SAMD5: variants seen among roughly 807,000 people sequenced by gnomAD.
SAMD5 encodes sterile alpha motif domain-containing protein 5.
A neutral mutation model predicts 11.3 loss-of-function variants in SAMD5; 13 were observed. The observed-to-expected ratio is 1.15, with a 90% CI of 0.75 to 1.83. The LOEUF is 1.83. Ranked by LOEUF, SAMD5 falls within the 40% of genes most tolerant of loss-of-function variation. SAMD5 has a pLI of 0.00. For missense variants in SAMD5, 255 were observed against 239.1 expected (o/e 1.07, Z -0.44); for synonymous variants, 129 against 111.3 (o/e 1.16, Z -1.00).
chr6:147,686,313 A>G (rs1009604914), intron 1 of SAMD5, among the ~76,000 whole-genome samples: 6 of 152,214 alleles, frequency 3.9e-5, no homozygotes, highest in Non-Finnish European at 8.8e-5. Context: ...ATTTATAGCT[A>G]GTGGTTTTTA....
chr6:147,937,596 G>T, the SAMD5 span, among the ~76,000 whole-genome samples: 1 of 152,140 alleles, frequency 6.6e-6, no homozygotes, highest in African/African-American at 2.4e-5. Context: ...TAATGAGGCA[G>T]GACTCGCTAG....
chr6:147,830,561 A>G, the SAMD5 span, among the ~76,000 whole-genome samples: 4 of 151,894 alleles, frequency 2.6e-5, no homozygotes, highest in East Asian at 7.7e-4. Flanking sequence ...CGGCCCCAGT[A>G]AGCTCTTTCA....
the SAMD5 span, among the ~76,000 whole-genome samples, chr6:147,785,665 A>C: frequency 6.6e-6 from 1 of 152,344 alleles, no homozygotes; most frequent in South Asian, 2.1e-4. Flanking sequence ...ACATAAAATT[A>C]AATATATAAA....
the SAMD5 span, among the ~76,000 whole-genome samples, chr6:147,761,302 G>A: frequency 1.3e-5 from 2 of 151,914 alleles, no homozygotes; most frequent in East Asian, 1.9e-4. Flanking sequence ...TTTCAATGTC[G>A]TGAACTTGCT....
the SAMD5 span, among the ~76,000 whole-genome samples, chr6:147,842,937 G>T: frequency 6.6e-6 from 1 of 152,152 alleles, no homozygotes. Context: ...TTGACTCATT[G>T]CAACCTCTGC....
chr6:147,658,881 TA>T (rs1790607461), intron 1 of SAMD5, among the ~76,000 whole-genome samples: 1 of 152,226 alleles, frequency 6.6e-6, no homozygotes, highest in African/African-American at 2.4e-5. Context: ...ATGGATCAGC[TA>T]ATTTGATCTG....
the SAMD5 span, among the ~76,000 whole-genome samples, chr6:147,941,569 T>C: frequency 2.0e-5 from 3 of 152,202 alleles, no homozygotes; most frequent in Non-Finnish European, 2.9e-5. Flanking sequence ...AGGGGTACCG[T>C]ATCTGTTTAC....
chr6:147,581,832 C>A (rs1310646880), intron 1 of SAMD5, among the ~76,000 whole-genome samples: 1 of 152,072 alleles, frequency 6.6e-6, no homozygotes. Context: ...AATAGCTATA[C>A]CTGGTGGGGC....
the SAMD5 span, among the ~76,000 whole-genome samples, chr6:147,935,540 G>A: frequency 6.6e-5 from 10 of 152,136 alleles, no homozygotes; most frequent in African/African-American, 1.9e-4. Context: ...AACATCATAC[G>A]AATTGGCCTC....
Position 147,568,584 on chromosome 6 carries a change from T to C in SAMD5, c.*4128T>C. 1 of 985,422 alleles carries C rather than the reference T, an allele frequency of 1.0e-6. No individual in the cohort carries two copies. The highest frequency in any genetic ancestry group is 1.2e-6 in the Non-Finnish European group (1 of 829,912). 61.0% of individuals were successfully genotyped at this position (985,422 alleles called of 1,614,324 possible). ...CAGACCAAGTACAAAGTATTAGGAA[T>C]TTTTTATATCAGCTGACATCTTGTG... On this transcript the variant is annotated 3_prime_UTR_variant, in exon 2 of 2. Coordinates refer to ENST00000367474, the MANE Select transcript of SAMD5 (RefSeq NM_001030060.3).
chr6:147,669,262 C>T (rs912297251), intron 1 of SAMD5, among the ~76,000 whole-genome samples: 5 of 152,080 alleles, frequency 3.3e-5, no homozygotes, highest in Admixed American at 6.5e-5. Flanking sequence ...ATTCTAAATC[C>T]TTTGTTGTCA....
intron 1 of SAMD5, among the ~76,000 whole-genome samples, chr6:147,643,150 T>C (rs1289282859): frequency 6.6e-6 from 1 of 152,232 alleles, no homozygotes; most frequent in East Asian, 1.9e-4. Context: ...TTGAAGGGCA[T>C]GTGAAATTAT....
the SAMD5 span, among the ~76,000 whole-genome samples, chr6:147,796,655 G>A: frequency 4.0e-5 from 6 of 151,700 alleles, no homozygotes; most frequent in South Asian, 4.2e-4. Context: ...AATTACCTTG[G>A]GCAGTATTGC....
rs1423282479 is a variant in SAMD5, at chr6:147,569,372, C to T, written c.*4916C>T. On this transcript the variant is annotated 3_prime_UTR_variant, in exon 2 of 2. Transcript: ENST00000367474. The stretch of plus-strand genomic sequence containing the variant: ...TGAGAGATACCTTTTCAGAGGAAAA[C>T]AAGAGGCTAAATTCCATGTTAAGAG... The T allele has an allele frequency of 1.7e-5, 16 of 934,298 alleles. No individual in the cohort carries two copies. The highest frequency in any genetic ancestry group is 1.8e-5 in the Non-Finnish European group (14 of 783,716). 57.9% of individuals were successfully genotyped at this position (934,298 alleles called of 1,614,324 possible).
the SAMD5 span, among the ~76,000 whole-genome samples, chr6:147,819,410 A>G: frequency 0.15 from 23,398 of 152,102 alleles, 2,525 homozygotes; most frequent in African/African-American, 0.31. Context: ...TTACCTATAT[A>G]ACAAAGCTGC....
At chr6:147,761,709 C>T in the SAMD5 span, among the ~76,000 whole-genome samples, 1 of 152,096 alleles carries the variant, frequency 6.6e-6, no homozygotes, top group South Asian at 2.1e-4. Context: ...AATAAAACAA[C>T]TTTTTTTATT....
the SAMD5 span, among the ~76,000 whole-genome samples, chr6:147,887,089 C>CA: frequency 3.2e-4 from 48 of 151,994 alleles, no homozygotes; most frequent in South Asian, 9.6e-3. Flanking sequence ...TGCTAAGTTT[C>CA]AAAAAAAATT....
intron 1 of SAMD5, among the ~76,000 whole-genome samples, chr6:147,703,894 ATTAT>A (rs764538137): frequency 1.3e-5 from 2 of 151,966 alleles, no homozygotes; most frequent in South Asian, 2.1e-4. Flanking sequence ...ATTTTCTTTT[ATTAT>A]TTATTTATTT....
chr6:147,871,064 A>T, the SAMD5 span, among the ~76,000 whole-genome samples: 13 of 152,148 alleles, frequency 8.5e-5, no homozygotes, highest in Admixed American at 1.3e-4. Flanking sequence ...TGTTGTTTTG[A>T]TATAATTACT....
Sources: allele counts gnomAD v4.1 joint callset (sites outside exome capture counted in the v4.1 genomes callset), GRCh38; gene constraint gnomAD v4.1.1; transcripts MANE v1.5; gene names NCBI Gene and HGNC (gene_info 2026-07-23, HGNC 2026-07-21).